The following DCC variants were observed in gnomAD, a reference collection of about 807,000 sequenced individuals.
DCC encodes the protein netrin receptor DCC.
A neutral mutation model predicts 172.5 loss-of-function variants in DCC; 58 were observed. The observed-to-expected ratio is 0.34, with a 90% CI of 0.27 to 0.42. The LOEUF is 0.42. Ranked by LOEUF, DCC falls within the 10% of genes least tolerant of loss-of-function variation. The probability of loss-of-function intolerance (pLI) is 1.00; values close to 1 mark genes in which losing one functional copy is unlikely to be tolerated. For synonymous variants in DCC, 709 were observed against 644.5 expected, an observed-to-expected ratio of 1.10 and a Z score of -1.52; for missense variants, 1,740 against 1,791.0, an observed-to-expected ratio of 0.97 and a Z score of 0.51.
chr18:52,865,928 T>G (rs1348823616), intron 2 of DCC, among the ~76,000 whole-genome samples: 1 of 81,178 alleles, frequency 1.2e-5, no homozygotes, highest in Non-Finnish European at 2.5e-5. Context: ...ATTTTGGCCT[T>G]TGTTGCCATT....
At chr18:52,899,252 T>G (rs910151735) in intron 2 of DCC, among the ~76,000 whole-genome samples, 2 of 151,978 alleles carry the variant, frequency 1.3e-5, no homozygotes, top group African/African-American at 4.8e-5. Context: ...TGGGCTCAAG[T>G]GATCCTGCCA....
rs143702891 is a variant in DCC, at chr18:52,364,882, A to T, written c.91+24004A>T. Reference sequence around the variant, plus strand: ...TGAGACTGAATGAGTTTCTTGGGTGATCCTTTTCACCTCCTACTCCCACTA... The same window carrying T: ...TGAGACTGAATGAGTTTCTTGGGTGTTCCTTTTCACCTCCTACTCCCACTA... On this transcript the variant is annotated intron_variant, in intron 1 of 28. Transcript: ENST00000442544. Among the ~76,000 whole-genome samples the T allele has an allele frequency of 3.9e-5, 6 of 152,288 alleles. No individual in the cohort carries two copies. The East Asian group carries it at 1.2e-3, about 29-fold the overall frequency.
rs545284643 is a variant in DCC, at chr18:53,504,914, T to TTTTG, written c.4111+5420_4111+5423dup. The stretch of plus-strand genomic sequence containing the variant: ...ATGTAAAGAATTTGGAGAAATGTTT[T>TTTTG]TTTGTTTGTTTGTTTGTTTTTTTAA... On this transcript the variant is annotated intron_variant, in intron 27 of 28. Transcript: ENST00000442544. Among the ~76,000 whole-genome samples, 8 of 152,256 alleles carry TTTTG rather than the reference T, an allele frequency of 5.3e-5. No homozygotes were observed. The East Asian group carries it at 7.7e-4, about 15-fold the overall frequency.
rs572815155 is a variant in DCC, at chr18:53,351,386, A to G, written c.2359+11479A>G. ...TATATACTGTATATATATATACAGT[A>G]TATATATATACAGTGTATATATATA... On this transcript the variant is annotated intron_variant, in intron 15 of 28. Coordinates refer to ENST00000442544, the MANE Select transcript of DCC (RefSeq NM_005215.4). 3.4e-4 allele frequency among the ~76,000 whole-genome samples: 7 copies of G among 20,550 alleles called. 1 individual carries two copies. Among genetic ancestry groups the G allele is most frequent in the African/African-American group, 4.8e-4 (3 of 6,290 alleles). 13.5% of individuals were successfully genotyped at this position (20,550 alleles called of 152,430 possible).
chr18:52,723,400 G>A (rs2036502174), intron 1 of DCC, among the ~76,000 whole-genome samples: 1 of 152,170 alleles, frequency 6.6e-6, no homozygotes, highest in African/African-American at 2.4e-5. Context: ...TGCCTACTAG[G>A]ATAATTATTG....
chr18:52,438,615 C>T (rs1210268511), intron 1 of DCC, among the ~76,000 whole-genome samples: 2 of 152,274 alleles, frequency 1.3e-5, no homozygotes, highest in Admixed American at 6.5e-5. Context: ...ACAAGAAACT[C>T]TTTAAAAACC....
intron 2 of DCC, among the ~76,000 whole-genome samples, chr18:52,764,778 A>G (rs1016205340): frequency 2.0e-5 from 3 of 152,150 alleles, no homozygotes; most frequent in Non-Finnish European, 4.4e-5. Flanking sequence ...GTCTAAGACA[A>G]TTTTCCATGT....
chr18:52,963,549 C>G (rs2040880425), intron 5 of DCC, among the ~76,000 whole-genome samples: 1 of 152,080 alleles, frequency 6.6e-6, no homozygotes, highest in Non-Finnish European at 1.5e-5. Context: ...CTGGGGCACA[C>G]TGAGCATGTG....
At chr18:53,063,137 G>T (rs962713166) in intron 5 of DCC, among the ~76,000 whole-genome samples, 168 bp from the exon 6 acceptor site, 7 of 151,990 alleles carry the variant, frequency 4.6e-5, no homozygotes, top group Non-Finnish European at 8.8e-5. Context: ...GGGAACAAAA[G>T]ATTTGTTTTA....
At chr18:52,787,132 A>G (rs924571764) in intron 2 of DCC, among the ~76,000 whole-genome samples, 8 of 152,156 alleles carry the variant, frequency 5.3e-5, no homozygotes, top group Non-Finnish European at 1.0e-4. Flanking sequence ...CAAAACAAGG[A>G]TCAGAAATAC....
At chr18:52,944,106 G>C (rs2040504197) in intron 5 of DCC, among the ~76,000 whole-genome samples, 1 of 152,222 alleles carries the variant, frequency 6.6e-6, no homozygotes, top group Middle Eastern at 3.4e-3. Context: ...ACTAACTTGG[G>C]TTTTAAATAG....
intron 1 of DCC, among the ~76,000 whole-genome samples, chr18:52,423,403 G>A (rs1987317303): frequency 6.6e-6 from 1 of 152,088 alleles, no homozygotes; most frequent in Admixed American, 6.6e-5. Context: ...CTGACCATTG[G>A]ACCATGAAAT....
chr18:53,463,686 T>C (rs1312679019), intron 24 of DCC, among the ~76,000 whole-genome samples: 1 of 152,190 alleles, frequency 6.6e-6, no homozygotes, highest in African/African-American at 2.4e-5. Flanking sequence ...GGTTAAATAA[T>C]GTGCCCAGAT....
At chr18:52,971,495 G>A (rs752945975) in intron 5 of DCC, among the ~76,000 whole-genome samples, 3 of 151,130 alleles carry the variant, frequency 2.0e-5, no homozygotes, top group Admixed American at 2.0e-4. Context: ...GGAGAGGTGT[G>A]CGTGTGTGTG....
In DCC at chr18:53,450,584, C is replaced by A; in HGVS notation, c.3314C>A (p.Thr1105Asn). Residue 1105 changes from threonine to asparagine, a missense_variant, in exon 23 of 29, where the codon ACC (threonine) becomes AAC (asparagine). Around this residue, in one of 2 missense-constraint regions of DCC, gnomAD observed 1,732 missense variants for 1,767.4 expected, o/e 0.98. Transcript: ENST00000442544. The part of the protein sequence containing the change: ...NSNLLVIIVV[T>N]VGVITVLVVV... ...AACCTGCTTGTGATCATTGTGGTCACCGTTGGTGTCATCACAGTGCTGGTA... is the reference window on the plus strand; with the variant it reads ...AACCTGCTTGTGATCATTGTGGTCAACGTTGGTGTCATCACAGTGCTGGTA... The A allele has an allele frequency of 6.2e-7, 1 of 1,612,892 alleles. No homozygotes were observed. The highest frequency in any genetic ancestry group is 8.5e-7 in the Non-Finnish European group (1 of 1,179,604).
At chr18:52,821,543 C>T (rs1330865401) in intron 2 of DCC, among the ~76,000 whole-genome samples, 1 of 152,286 alleles carries the variant, frequency 6.6e-6, no homozygotes, top group East Asian at 1.9e-4. Context: ...TTCATTCCGG[C>T]TTTAGCCCCC....
At chr18:52,785,492 T>A (rs1395270956) in intron 2 of DCC, among the ~76,000 whole-genome samples, 1 of 152,034 alleles carries the variant, frequency 6.6e-6, no homozygotes, top group Admixed American at 6.6e-5. Flanking sequence ...GAATGTTGGA[T>A]GACAACTTTT....
chr18:53,448,879 G>T lies in DCC; in HGVS notation c.3230-1621G>T, dbSNP rs1393335. Among the ~76,000 whole-genome samples the T allele has an allele frequency of 2.5e-3, 386 of 152,226 alleles. 2 individuals are homozygous for T. Among genetic ancestry groups the T allele is most frequent in the African/African-American group, 7.7e-3 (318 of 41,520 alleles). On this transcript the variant is annotated intron_variant, in intron 22 of 28. Transcript: ENST00000442544. ...AAAAAAAATCCTTTACAGTCTGGAAGTTCACACCATAAGTCCCAAATGCTA... is the reference window on the plus strand; with the variant it reads ...AAAAAAAATCCTTTACAGTCTGGAATTTCACACCATAAGTCCCAAATGCTA...
At chr18:52,496,454 C>T (rs1471635015) in intron 1 of DCC, among the ~76,000 whole-genome samples, 1 of 152,104 alleles carries the variant, frequency 6.6e-6, no homozygotes, top group African/African-American at 2.4e-5. Context: ...AAAAGTTATT[C>T]AGGATAAAGC....
Sources: allele counts gnomAD v4.1 joint callset (sites outside exome capture counted in the v4.1 genomes callset), GRCh38; gene constraint gnomAD v4.1.1; regional missense constraint gnomAD v4.1.1; transcripts MANE v1.5; gene names NCBI Gene and HGNC (gene_info 2026-07-23, HGNC 2026-07-21).